LARP1B: variants seen among roughly 807,000 people sequenced by gnomAD.
LARP1B encodes La ribonucleoprotein 1B.
In LARP1B, 76 loss-of-function variants were observed where a neutral mutation model predicts 114.2. The ratio of observed to expected loss-of-function variants is 0.67; its 90% CI spans 0.55 to 0.81. The LOEUF is 0.81. LARP1B is among the 30% of genes least tolerant of loss of function. The pLI, the probability that LARP1B is intolerant of heterozygous loss-of-function variation, is 0.00. For synonymous variants in LARP1B, 345 were observed against 348.0 expected (o/e 0.99, Z 0.10); for missense variants, 1,014 against 1,075.8 (o/e 0.94, Z 0.80).
intron 9 of LARP1B, chr4:128,107,744 C>T (rs1580478951): frequency 2.0e-6 from 3 of 1,479,224 alleles, no homozygotes; most frequent in Non-Finnish European, 2.7e-6. Flanking sequence ...AAATGACCTG[C>T]ATTCTAAATT....
At chr4:128,099,618 CCA>C (rs1779552947) in intron 8 of LARP1B, among the ~76,000 whole-genome samples, 1 of 151,818 alleles carries the variant, frequency 6.6e-6, no homozygotes. Context: ...TATGGATATA[CCA>C]CAGTTTATCC....
At chr4:128,073,476 C>T (rs1345561249) in intron 1 of LARP1B, among the ~76,000 whole-genome samples, 1 of 128,896 alleles carries the variant, frequency 7.8e-6, no homozygotes, top group Non-Finnish European at 1.6e-5. Flanking sequence ...CTACCTCATA[C>T]TCTTACCAAC....
At chr4:128,160,075 G>A (rs1737732037) in intron 11 of LARP1B, among the ~76,000 whole-genome samples, 1 of 152,200 alleles carries the variant, frequency 6.6e-6, no homozygotes, top group South Asian at 2.1e-4. Context: ...TGGGTCATAC[G>A]TTGTCTGTGG....
chr4:128,066,143 T>C (rs1484590106), intron 1 of LARP1B, among the ~76,000 whole-genome samples: 3 of 150,506 alleles, frequency 2.0e-5, no homozygotes, highest in Non-Finnish European at 3.0e-5. Context: ...CGGCTTTCTA[T>C]TGTCTATTTT....
chr4:128,159,291 A>G (rs892531876), intron 11 of LARP1B, among the ~76,000 whole-genome samples: 19 of 152,182 alleles, frequency 1.2e-4, no homozygotes, highest in Admixed American at 4.6e-4. Context: ...AGATTCATAT[A>G]ACTATCACCA....
chr4:128,216,867 G>A (rs1418702280), downstream of LARP1B, among the ~76,000 whole-genome samples: 3 of 152,150 alleles, frequency 2.0e-5, no homozygotes, highest in Non-Finnish European at 4.4e-5. Flanking sequence ...CTGGTTTTTT[G>A]AAAGGATGAA....
intron 3 of LARP1B, among the ~76,000 whole-genome samples, chr4:128,075,794 G>A (rs1462075205): frequency 1.3e-5 from 2 of 152,018 alleles, no homozygotes; most frequent in South Asian, 2.1e-4. Flanking sequence ...CAATTGGCTC[G>A]CCTCAGCCTC....
intron 11 of LARP1B, among the ~76,000 whole-genome samples, chr4:128,153,292 C>CATTT (rs36202530): frequency 0.026 from 3,615 of 140,908 alleles, 50 homozygotes; most frequent in Middle Eastern, 0.034. Context: ...CTTGGTTTGC[C>CATTT]ATTTATTTAT....
chr4:128,071,281 C>T (rs566810339), intron 1 of LARP1B, among the ~76,000 whole-genome samples: 4 of 152,144 alleles, frequency 2.6e-5, no homozygotes, highest in Admixed American at 2.0e-4. Context: ...CTCCTGACCT[C>T]GTGATCCGCC....
At chr4:128,207,527 A>G in intron 19 of LARP1B, 144 bp downstream of exon 19, 1 of 497,354 alleles carries the variant, frequency 2.0e-6, no homozygotes, top group East Asian at 3.7e-5. Context: ...ATATAAAAAT[A>G]GTTCAGAGAA....
At chr4:128,095,774 A>G (rs1241312594) in intron 7 of LARP1B, among the ~76,000 whole-genome samples, 57 of 152,024 alleles carry the variant, frequency 3.7e-4, no homozygotes, top group Non-Finnish European at 5.9e-5. Flanking sequence ...TGAGTTTTAT[A>G]CCCCAAAATG....
At chr4:128,087,222 A>G (rs1205372458) in intron 5 of LARP1B, among the ~76,000 whole-genome samples, 1 of 152,148 alleles carries the variant, frequency 6.6e-6, no homozygotes, top group East Asian at 1.9e-4. Context: ...CATCCGGCCC[A>G]GATACATTTT....
intron 12 of LARP1B, among the ~76,000 whole-genome samples, chr4:128,169,850 C>T (rs1226777930): frequency 6.6e-6 from 1 of 151,964 alleles, no homozygotes; most frequent in African/African-American, 2.4e-5. Flanking sequence ...TTGGCCAGGC[C>T]GGTCTCAAAC....
At chr4:128,107,610 C>T (rs1782556341) in intron 9 of LARP1B, 12 of 1,389,738 alleles carry the variant, frequency 8.6e-6, no homozygotes, top group South Asian at 1.7e-5. Context: ...AGATATGTAT[C>T]GTTTTCCCCT....
At chr4:128,114,925 T>C (rs1785271522) in intron 10 of LARP1B, among the ~76,000 whole-genome samples, 183 bp downstream of exon 10, 1 of 152,170 alleles carries the variant, frequency 6.6e-6, no homozygotes, top group Non-Finnish European at 1.5e-5. Context: ...GTTGTATCAA[T>C]TTTTAAAATG....
At chr4:128,217,775 T>G (rs1397389048) in intron 6 of LARP1B, among the ~76,000 whole-genome samples, 1 of 128,760 alleles carries the variant, frequency 7.8e-6, no homozygotes, top group Non-Finnish European at 1.6e-5. Flanking sequence ...TTCAACATAG[T>G]GTTGGAAGTT....
At chr4:128,119,065 A>G (rs1258456708) in intron 10 of LARP1B, among the ~76,000 whole-genome samples, 1 of 151,560 alleles carries the variant, frequency 6.6e-6, no homozygotes, top group East Asian at 1.9e-4. Flanking sequence ...GTGTATTTTT[A>G]ATAGAGATGG....
At chr4:128,104,562 A>G (rs1488966482) in intron 8 of LARP1B, among the ~76,000 whole-genome samples, 1 of 152,014 alleles carries the variant, frequency 6.6e-6, no homozygotes, top group Non-Finnish European at 1.5e-5. Context: ...CTCCTGCCTC[A>G]GCCTCCCGAG....
At chr4:128,193,638 CAG>C (rs1342135751) in intron 15 of LARP1B, among the ~76,000 whole-genome samples, 1 of 151,814 alleles carries the variant, frequency 6.6e-6, no homozygotes, top group Non-Finnish European at 1.5e-5. Flanking sequence ...ATTTTTGAGA[CAG>C]AGTTTCGCTC....
Sources: allele counts gnomAD v4.1 joint callset (sites outside exome capture counted in the v4.1 genomes callset), GRCh38; gene constraint gnomAD v4.1.1; transcripts MANE v1.5; gene names NCBI Gene and HGNC (gene_info 2026-07-23, HGNC 2026-07-21).